The following FBXL7 variants were observed in gnomAD, a reference collection of about 807,000 sequenced individuals.
FBXL7 encodes the protein F-box/LRR-repeat protein 7.
Under a neutral mutation model 38.3 loss-of-function variants are expected in FBXL7, and 12 were observed. That is an observed-to-expected ratio of 0.31 (90% confidence interval 0.20 to 0.51). The LOEUF is 0.51. Among genes scored for constraint, FBXL7 ranks in the 20% least tolerant of loss-of-function variants. The pLI, the probability that FBXL7 is intolerant of heterozygous loss-of-function variation, is 0.98. For missense variants in FBXL7, 567 were observed against 676.4 expected (o/e 0.84, Z 1.79); for synonymous variants, 297 against 300.9 (o/e 0.99, Z 0.13).
intron 2 of FBXL7, among the ~76,000 whole-genome samples, chr5:15,834,578 G>A (rs945379412): frequency 6.6e-6 from 1 of 152,076 alleles, no homozygotes; most frequent in Non-Finnish European, 1.5e-5. Flanking sequence ...ACATAAAAGG[G>A]ATAAAAGTAT....
chr5:15,725,351 CT>C, intron 2 of FBXL7, among the ~76,000 whole-genome samples: 1 of 152,244 alleles, frequency 6.6e-6, no homozygotes, highest in Non-Finnish European at 1.5e-5. Context: ...TTTTATTCAT[CT>C]CTAAGCATTT....
intron 2 of FBXL7, among the ~76,000 whole-genome samples, chr5:15,813,904 A>G (rs977482558): frequency 7.9e-5 from 12 of 152,268 alleles, no homozygotes; most frequent in African/African-American, 2.6e-4. Flanking sequence ...TTAGAATGGC[A>G]ATCATTAAAA....
chr5:15,624,873 T>G lies in FBXL7; in HGVS notation c.127+8801T>G, dbSNP rs559746554. On this transcript the variant is annotated intron_variant, in intron 2 of 3. Transcript: ENST00000504595. ...TTGGCTGTGAGGTACATGTTTGTTT[T>G]TTTTTTTTTTTCCTAGATGAGAAAA... Among the ~76,000 whole-genome samples, 250 of 152,034 alleles carry G rather than the reference T, an allele frequency of 1.6e-3. 2 individuals are homozygous for G. Among genetic ancestry groups the G allele is most frequent in the Admixed American group, 9.6e-3 (146 of 15,272 alleles).
chr5:15,845,584 C>T (rs1467228460), intron 2 of FBXL7, among the ~76,000 whole-genome samples: 5 of 151,932 alleles, frequency 3.3e-5, no homozygotes, highest in Non-Finnish European at 5.9e-5. Flanking sequence ...CAGCAAAATG[C>T]CATGTTTCAT....
In FBXL7 at chr5:15,639,356, G is replaced by A. The variant is rs1320094174; in HGVS notation, c.127+23284G>A. On this transcript the variant is annotated intron_variant, in intron 2 of 3. Coordinates refer to ENST00000504595, the MANE Select transcript of FBXL7 (RefSeq NM_012304.5). ...AGGTGTTGTGGGAGGGACTTGGCAG[G>A]AAATCATTGAATCATGGGGGTGGGT... Among the ~76,000 whole-genome samples, 7 of 152,128 alleles carry A rather than the reference G, an allele frequency of 4.6e-5. No homozygotes were observed. In the South Asian group the frequency reaches 1.5e-3, roughly 32 times the overall value.
At chr5:15,733,085 T>C (rs1735634024) in intron 2 of FBXL7, among the ~76,000 whole-genome samples, 1 of 149,978 alleles carries the variant, frequency 6.7e-6, no homozygotes, top group African/African-American at 2.5e-5. Flanking sequence ...AAAAATCATG[T>C]TTTTTGTTTC....
At chr5:15,750,547 T>C (rs980191233) in intron 2 of FBXL7, among the ~76,000 whole-genome samples, 2 of 152,246 alleles carry the variant, frequency 1.3e-5, no homozygotes, top group African/African-American at 4.8e-5. Flanking sequence ...AGTCTCTGAT[T>C]GAACATTTAA....
chr5:15,500,649 G>T lies in FBXL7; in HGVS notation c.-28G>T. ...GTGCGCCGCAGCTATGGAGTGTCCCGGGAGACGGCGGGCATGACGGCTACA... is the reference window on the plus strand; with the variant it reads ...GTGCGCCGCAGCTATGGAGTGTCCCTGGAGACGGCGGGCATGACGGCTACA... On this transcript the variant is annotated 5_prime_UTR_variant, in exon 1 of 4. Coordinates refer to ENST00000504595, the MANE Select transcript of FBXL7 (RefSeq NM_012304.5). The T allele has an allele frequency of 6.2e-7, 1 of 1,613,410 alleles. No homozygotes were observed. Among genetic ancestry groups the T allele is most frequent in the Non-Finnish European group, 8.5e-7 (1 of 1,179,552 alleles).
intron 2 of FBXL7, among the ~76,000 whole-genome samples, chr5:15,715,227 T>C (rs1744007212): frequency 6.6e-6 from 1 of 152,090 alleles, no homozygotes; most frequent in Non-Finnish European, 1.5e-5. Context: ...GCATGGTGGC[T>C]CATGCCTGTA....
At chr5:15,728,345 C>T (rs1414901843) in intron 2 of FBXL7, among the ~76,000 whole-genome samples, 2 of 151,988 alleles carry the variant, frequency 1.3e-5, no homozygotes, top group African/African-American at 4.8e-5. Context: ...TCTATTTTTG[C>T]AGATAAATAA....
intron 2 of FBXL7, among the ~76,000 whole-genome samples, chr5:15,852,015 T>G (rs1739111641): frequency 6.6e-6 from 1 of 152,032 alleles, no homozygotes. Flanking sequence ...ACCCATTATC[T>G]CTCCTTTGCA....
chr5:15,633,505 A>G (rs1462227734), intron 2 of FBXL7, among the ~76,000 whole-genome samples: 2 of 152,028 alleles, frequency 1.3e-5, no homozygotes, highest in African/African-American at 2.4e-5. Flanking sequence ...ATTTTTTGCC[A>G]TTAGATGCAC....
chr5:15,515,062 G>A (rs1044851729), intron 1 of FBXL7, among the ~76,000 whole-genome samples: 4 of 152,172 alleles, frequency 2.6e-5, no homozygotes, highest in African/African-American at 9.7e-5. Context: ...CTCAGAGGCT[G>A]TTTACCAAGG....
At chr5:15,871,164 C>G (rs1739940730) in intron 2 of FBXL7, among the ~76,000 whole-genome samples, 1 of 152,194 alleles carries the variant, frequency 6.6e-6, no homozygotes, top group Non-Finnish European at 1.5e-5. Context: ...GACACCCAGG[C>G]AAACAGGGTC....
chr5:15,532,848 A>G (rs1737468884), intron 1 of FBXL7, among the ~76,000 whole-genome samples: 1 of 152,210 alleles, frequency 6.6e-6, no homozygotes, highest in African/African-American at 2.4e-5. Context: ...GTATTCAAGA[A>G]CCACTGGGGC....
At chr5:15,815,751 G>C (rs909048683) in intron 2 of FBXL7, among the ~76,000 whole-genome samples, 9 of 152,142 alleles carry the variant, frequency 5.9e-5, no homozygotes, top group African/African-American at 1.9e-4. Context: ...TCAGACCTCA[G>C]TAGCCTGTAC....
At chr5:15,713,301 T>C (rs1743936013) in intron 2 of FBXL7, among the ~76,000 whole-genome samples, 1 of 152,122 alleles carries the variant, frequency 6.6e-6, no homozygotes, top group Admixed American at 6.5e-5. Flanking sequence ...AAGAACAGTA[T>C]GGGGAAACCA....
At chr5:15,925,849 G>A (rs1030125105) in intron 2 of FBXL7, among the ~76,000 whole-genome samples, 8 of 151,968 alleles carry the variant, frequency 5.3e-5, no homozygotes, top group Non-Finnish European at 1.2e-4. Context: ...ACTTTATGAC[G>A]GTACAAAAGT....
intron 2 of FBXL7, among the ~76,000 whole-genome samples, chr5:15,682,331 TACTA>T (rs1301178945): frequency 1.3e-5 from 2 of 152,292 alleles, no homozygotes; most frequent in East Asian, 1.9e-4. Context: ...CACGTGACCT[TACTA>T]ACACATCACT....
Sources: gnomAD v4.1 joint callset for allele counts (sites outside exome capture counted in the v4.1 genomes callset) on GRCh38, gnomAD v4.1.1 for gene constraint, MANE v1.5 for transcripts, NCBI Gene and HGNC (gene_info 2026-07-23, HGNC 2026-07-21) for gene names.